CAPSL: variants seen among roughly 807,000 people sequenced by gnomAD.
CAPSL encodes the protein calcyphosin-like protein.
Under a neutral mutation model 21.3 loss-of-function variants are expected in CAPSL, and 17 were observed. The ratio of observed to expected loss-of-function variants is 0.80; its 90% confidence interval spans 0.55 to 1.20. The LOEUF (loss-of-function observed/expected upper bound fraction) is 1.20, where lower values mean the gene tolerates loss of function less well. CAPSL is among the 50% of genes most tolerant of loss of function. The pLI, the probability that CAPSL is intolerant of heterozygous loss-of-function variation, is 0.00. For synonymous variants in CAPSL, 102 were observed against 89.3 expected, an observed-to-expected ratio of 1.14 and a Z score of -0.80; for missense variants, 289 against 259.3, an observed-to-expected ratio of 1.11 and a Z score of -0.79.
chr5:35,913,169 A>G lies in CAPSL; in HGVS notation c.138-2626T>C, dbSNP rs531899400. On this transcript the variant is annotated intron_variant, in intron 2 of 4. Coordinates refer to ENST00000651391, the MANE Select transcript of CAPSL (RefSeq NM_001042625.2). ...GAGAAGTTTAGAGATAAAAGAACAA[A>G]AAGAAATGAACAACGCCTCCAAGAA... 1.3e-3 allele frequency among the ~76,000 whole-genome samples: 202 copies of G among 152,326 alleles called. 9 individuals carry two copies. In the South Asian group the frequency reaches 0.041, roughly 31 times the overall value.
At chr5:35,910,780 A>C (rs1738200447) in intron 2 of CAPSL, among the ~76,000 whole-genome samples, 1 of 152,202 alleles carries the variant, frequency 6.6e-6, no homozygotes, top group African/African-American at 2.4e-5. Context: ...AACTGTGGAG[A>C]CAGTAAAAAG....
intron 3 of CAPSL, 132 bp downstream of exon 3, chr5:35,910,234 T>C: frequency 8.6e-7 from 1 of 1,156,654 alleles, no homozygotes; most frequent in South Asian, 1.6e-5. Context: ...TTCCTAAGTC[T>C]GTTCACAGTT....
chr5:35,932,140 C>T (rs566269147), intron 1 of CAPSL, among the ~76,000 whole-genome samples: 29 of 152,008 alleles, frequency 1.9e-4, no homozygotes, highest in African/African-American at 5.8e-4. Flanking sequence ...TTCCAGAAAA[C>T]CAAAAAGTGT....
chr5:35,923,711 G>C (rs1011193307), intron 1 of CAPSL, among the ~76,000 whole-genome samples: 3 of 143,788 alleles, frequency 2.1e-5, no homozygotes, highest in Non-Finnish European at 4.6e-5. Flanking sequence ...AATTCATAGA[G>C]ACAGAAAGCA....
chr5:35,909,254 T>C (rs1738134844), intron 4 of CAPSL, among the ~76,000 whole-genome samples: 1 of 152,160 alleles, frequency 6.6e-6, no homozygotes, highest in African/African-American at 2.4e-5. Flanking sequence ...TTGATTTTGT[T>C]TTCAAATTCA....
intron 2 of CAPSL, among the ~76,000 whole-genome samples, chr5:35,917,530 G>A (rs982541909): frequency 1.2e-4 from 18 of 152,086 alleles, no homozygotes; most frequent in African/African-American, 4.3e-4. Flanking sequence ...GGAATACTAT[G>A]CAGCCATAAA....
chr5:35,925,687 A>G (rs1006468215), intron 1 of CAPSL, among the ~76,000 whole-genome samples: 5 of 152,244 alleles, frequency 3.3e-5, no homozygotes, highest in African/African-American at 1.2e-4. Flanking sequence ...AATTCTTCTT[A>G]AAAAAGGAAA....
intron 4 of CAPSL, among the ~76,000 whole-genome samples, chr5:35,909,354 C>A (rs545465905): frequency 6.2e-4 from 94 of 152,222 alleles, no homozygotes; most frequent in African/African-American, 2.2e-3. Context: ...TTACCAAAAA[C>A]TACCTTTAAA....
chr5:35,927,034 A>G (rs1738702499), intron 1 of CAPSL, among the ~76,000 whole-genome samples: 1 of 152,190 alleles, frequency 6.6e-6, no homozygotes, highest in African/African-American at 2.4e-5. Context: ...GGGACAGCAA[A>G]TGTGGTGTAG....
At chr5:35,917,847 C>T (rs956286433) in intron 2 of CAPSL, among the ~76,000 whole-genome samples, 35 of 151,900 alleles carry the variant, frequency 2.3e-4, no homozygotes, top group African/African-American at 8.5e-4. Flanking sequence ...GCACGTGTAT[C>T]CTAAAACTTA....
chr5:35,930,227 C>T (rs761021703), intron 1 of CAPSL, among the ~76,000 whole-genome samples: 3 of 152,218 alleles, frequency 2.0e-5, no homozygotes, highest in Admixed American at 6.5e-5. Flanking sequence ...TACATTTTCT[C>T]GAAATGCTTA....
At chr5:35,916,907 C>A (rs1228772186) in intron 2 of CAPSL, among the ~76,000 whole-genome samples, 2 of 152,210 alleles carry the variant, frequency 1.3e-5, no homozygotes, top group Non-Finnish European at 2.9e-5. Context: ...GCCAAAGTAA[C>A]TACCATCAGA....
At chr5:35,920,930 T>G in intron 2 of CAPSL, 54 bp downstream of exon 2, 1 of 1,587,984 alleles carries the variant, frequency 6.3e-7, no homozygotes, top group Admixed American at 1.7e-5. Context: ...TAGCCTCACC[T>G]GGCAGAGTCA....
Position 35,909,903 on chromosome 5 carries a change from A to G in CAPSL, c.488T>C (p.Leu163Pro). The G allele has an allele frequency of 6.2e-7, 1 of 1,613,730 alleles. No individual in the cohort carries two copies. The highest frequency in any genetic ancestry group is 8.5e-7 in the Non-Finnish European group (1 of 1,179,866). ...GTCATAGGGTGAATCAAAGTTATCC[A>G]GAAATTTCCTAAATACTTGTTCCTC... ...WSEEQVFRKFLDNFDSPYDKD... is the reference protein window; with the variant it reads ...WSEEQVFRKFPDNFDSPYDKD... The change falls in exon 4 of 5, where the codon CTG (leucine) becomes CCG (proline). Residue 163 changes from leucine to proline, a missense_variant. Leu to Pro is a moderately conservative substitution (Grantham distance 98). Coordinates refer to ENST00000651391, the MANE Select transcript of CAPSL (RefSeq NM_001042625.2).
intron 4 of CAPSL, among the ~76,000 whole-genome samples, chr5:35,906,639 A>T (rs1376635733): frequency 6.6e-6 from 1 of 152,180 alleles, no homozygotes; most frequent in African/African-American, 2.4e-5. Context: ...ATAAAAAATA[A>T]AACCTAATTT....
chr5:35,908,393 G>A (rs1738091358), intron 4 of CAPSL, among the ~76,000 whole-genome samples: 1 of 152,200 alleles, frequency 6.6e-6, no homozygotes, highest in South Asian at 2.1e-4. Context: ...TAACCTTTAT[G>A]AGCTTTTGAG....
intron 1 of CAPSL, among the ~76,000 whole-genome samples, chr5:35,933,561 G>C (rs1447121724): frequency 1.3e-5 from 2 of 152,040 alleles, no homozygotes; most frequent in African/African-American, 2.4e-5. Flanking sequence ...ATAAAAACTG[G>C]GTCAAGCTTA....
intron 3 of CAPSL, 97 bp from the exon 4 acceptor site, chr5:35,910,172 G>C (rs1738177747): frequency 8.5e-7 from 1 of 1,182,026 alleles, no homozygotes; most frequent in Non-Finnish European, 1.2e-6. Flanking sequence ...TCAACGATGT[G>C]AAATAATATT....
At position 35,910,507 on chromosome 5, in the gene CAPSL, G is replaced by A. The variant is rs139601439; in HGVS notation, c.174C>T (p.Thr58=). Residue 58 remains threonine, a synonymous_variant, in exon 3 of 5, where the codon ACC becomes ACT. Transcript: ENST00000651391. The stretch of plus-strand genomic sequence containing the variant: ...CTTTCATAAATTCTTTAAAATCAAG[G>A]GTTCGATTATTATCGTCATCCATAA... ...FRIMDDDNNR[T]LDFKEFMKGL... 856 of 1,609,564 alleles carry A rather than the reference G, an allele frequency of 5.3e-4. 2 individuals are homozygous for A. The highest frequency in any genetic ancestry group is 1.8e-3 in the Middle Eastern group (11 of 6,048).
Sources: allele counts gnomAD v4.1 joint callset (sites outside exome capture counted in the v4.1 genomes callset), GRCh38; gene constraint gnomAD v4.1.1; transcripts MANE v1.5; gene names NCBI Gene and HGNC (gene_info 2026-07-23, HGNC 2026-07-21).